LMNB2: variants seen among roughly 807,000 people sequenced by gnomAD.
LMNB2 encodes lamin-B2.
Under a neutral mutation model 69.3 loss-of-function variants are expected in LMNB2, and 17 were observed. That is an observed-to-expected ratio of 0.25 (90% CI 0.17 to 0.37). The LOEUF is 0.37. Ranked by LOEUF, LMNB2 falls within the 10% of genes least tolerant of loss-of-function variation. LMNB2 has a pLI of 1.00. For synonymous variants in LMNB2, 397 were observed against 389.3 expected, an observed-to-expected ratio of 1.02 and a Z score of -0.23; for missense variants, 789 against 883.6, an observed-to-expected ratio of 0.89 and a Z score of 1.36.
intron 4 of LMNB2, among the ~76,000 whole-genome samples, chr19:2,436,520 C>A (rs1971823526): frequency 6.6e-6 from 1 of 150,996 alleles, no homozygotes. Flanking sequence ...TCCACGGCCG[C>A]CCTCCCGCCT....
intron 1 of LMNB2, among the ~76,000 whole-genome samples, chr19:2,456,387 G>C (rs1972089291): frequency 7.1e-6 from 1 of 141,414 alleles, no homozygotes; most frequent in African/African-American, 2.7e-5. Context: ...TGGCCGAACT[G>C]CACCGCTCAC....
Position 2,434,456 on chromosome 19 carries a change from G to T in LMNB2, c.1041C>A (p.Asp347Glu), listed in dbSNP as rs1366067577. The T allele has an allele frequency of 6.2e-7, 1 of 1,613,390 alleles. No individual in the cohort carries two copies. The highest frequency in any genetic ancestry group is 8.5e-7 in the Non-Finnish European group (1 of 1,179,970). Residue 347 changes from aspartate (D) to glutamate (E), a missense_variant, in exon 7 of 12, where the codon GAC (aspartate) becomes GAA (glutamate). Around this residue, in one of 3 missense-constraint regions of LMNB2, gnomAD observed 609 missense variants for 630.9 expected, o/e 0.97. Transcript: ENST00000325327. ...ELEEAMAGER[D>E]KFRKMLDAKE... Reference sequence around the variant, plus strand: ...TGGCGTCCAGCATCTTCCGGAACTTGTCCCGCTCCCCGGCCATGGCCTCCT... The same window carrying T: ...TGGCGTCCAGCATCTTCCGGAACTTTTCCCGCTCCCCGGCCATGGCCTCCT...
At position 2,444,609 on chromosome 19, in the gene LMNB2, C is replaced by T. The variant is rs1415582982; in HGVS notation, c.265-69G>A. ...CTTGGACTACAGCAGTCAGGGGGCC[C>T]GGCCACTGGCCCTGCTCAGATTCCC... On this transcript the variant is annotated intron_variant, in intron 1 of 11. Transcript: ENST00000325327. 81 of 1,576,094 alleles carry T rather than the reference C, an allele frequency of 5.1e-5. 1 individual carries two copies. The highest frequency in any genetic ancestry group is 9.9e-5 in the South Asian group (9 of 90,608).
intron 4 of LMNB2, 130 bp from the exon 5 acceptor site, chr19:2,435,301 C>T (rs1195479536): frequency 8.4e-6 from 11 of 1,310,638 alleles, no homozygotes; most frequent in Middle Eastern, 2.6e-4. Context: ...AGTTACAAAC[C>T]GATACACGTG....
intron 3 of LMNB2, 30 bp from the exon 4 acceptor site, chr19:2,438,318 G>C: frequency 6.2e-7 from 1 of 1,613,792 alleles, no homozygotes; most frequent in African/African-American, 1.3e-5. Context: ...GAGCTGGTGT[G>C]ACAATCTGTC....
chr19:2,444,044 G>A (rs966553005), intron 2 of LMNB2, among the ~76,000 whole-genome samples: 2 of 152,164 alleles, frequency 1.3e-5, no homozygotes, highest in Non-Finnish European at 2.9e-5. Context: ...GGTCAAACGC[G>A]TCTCACGGTG....
intron 1 of LMNB2, among the ~76,000 whole-genome samples, chr19:2,455,786 C>T (rs1972079998): frequency 6.6e-6 from 1 of 151,768 alleles, no homozygotes; most frequent in Admixed American, 6.6e-5. Flanking sequence ...GCAGGGCCTG[C>T]CCAGGTGGCA....
intron 2 of LMNB2, among the ~76,000 whole-genome samples, chr19:2,444,042 G>A (rs1466151302): frequency 3.3e-5 from 5 of 152,152 alleles, no homozygotes; most frequent in Admixed American, 6.5e-5. Context: ...GAGGTCAAAC[G>A]CGTCTCACGG....
intron 2 of LMNB2, among the ~76,000 whole-genome samples, chr19:2,441,209 G>A (rs1971896811): frequency 1.3e-5 from 2 of 152,254 alleles, no homozygotes; most frequent in African/African-American, 4.8e-5. Flanking sequence ...CACCTGCCAG[G>A]TAAAAGCATC....
At position 2,431,952 on chromosome 19, in the gene LMNB2, G is replaced by A. The variant is rs759668098; in HGVS notation, c.1591-50C>T. 1.6e-5 allele frequency: 25 copies of A among 1,572,274 alleles called. 1 individual carries two copies. In the South Asian group the frequency reaches 2.7e-4, roughly 17 times the overall value. On this transcript the variant is annotated intron_variant, in intron 9 of 11. Coordinates refer to ENST00000325327, the MANE Select transcript of LMNB2 (RefSeq NM_032737.4). The stretch of plus-strand genomic sequence containing the variant: ...CATCAGGGTCACCTCTGGTTCCAGG[G>A]ACGTGGGCCAGCCAGTGGCCCCTAC...
chr19:2,434,919 G>T lies in LMNB2; in HGVS notation c.856-6C>A. ...CTCAGCTTGGCGCTGTCCAGCTGTGGGGAGACGGGCGGGTGAGTGCGGGCG... is the reference window on the plus strand; with the variant it reads ...CTCAGCTTGGCGCTGTCCAGCTGTGTGGAGACGGGCGGGTGAGTGCGGGCG... On this transcript the variant is annotated splice_region_variant and splice_polypyrimidine_tract_variant and intron_variant, in intron 5 of 11. Transcript: ENST00000325327. 1 of 1,601,470 alleles carries T rather than the reference G, an allele frequency of 6.2e-7. No homozygotes were observed.
rs767097454 is a variant in LMNB2 at position 2,443,752 on chromosome 19, G to A, written c.401+652C>T. Among the ~76,000 whole-genome samples, 1 of 152,162 alleles carries A rather than the reference G, an allele frequency of 6.6e-6. No homozygotes were observed. The highest frequency in any genetic ancestry group is 1.5e-5 in the Non-Finnish European group (1 of 68,020). ...GTTTCATTGGCCTCCTGGCTCCTCT[G>A]AATAAATATTCCTTTTGTCATCATC... On this transcript the variant is annotated intron_variant, in intron 2 of 11. Transcript: ENST00000325327. The surrounding 1 kb of genome is among the most constrained non-coding windows in gnomAD (Gnocchi z 6.2).
intron 1 of LMNB2, among the ~76,000 whole-genome samples, chr19:2,448,379 A>C (rs1971983017): frequency 6.6e-6 from 1 of 152,178 alleles, no homozygotes; most frequent in Non-Finnish European, 1.5e-5. Context: ...ACTGCGGCTC[A>C]CGAGGCAGAG....
intron 1 of LMNB2, among the ~76,000 whole-genome samples, chr19:2,448,381 G>A (rs1451319778): frequency 6.6e-6 from 1 of 152,166 alleles, no homozygotes; most frequent in African/African-American, 2.4e-5. Context: ...TGCGGCTCAC[G>A]AGGCAGAGGG....
intron 1 of LMNB2, among the ~76,000 whole-genome samples, chr19:2,449,378 T>C (rs1298735767): frequency 2.6e-5 from 4 of 152,308 alleles, no homozygotes; most frequent in South Asian, 4.1e-4. Context: ...AAGGGGCACG[T>C]CTCCTAACGA....
At chr19:2,438,734 T>C (rs910583578) in intron 2 of LMNB2, among the ~76,000 whole-genome samples, 3 of 151,934 alleles carry the variant, frequency 2.0e-5, no homozygotes, top group Non-Finnish European at 2.9e-5. Context: ...CTGTCAGGAG[T>C]CCAGCAAGTG....
chr19:2,434,810 T>C lies in LMNB2; in HGVS notation c.959A>G (p.Gln320Arg). The C allele has an allele frequency of 1.2e-6, 2 of 1,608,530 alleles. No individual in the cohort carries two copies. Among genetic ancestry groups the C allele is most frequent in the Non-Finnish European group, 1.7e-6 (2 of 1,178,760 alleles). The change falls in exon 6 of 12, where the codon CAG (glutamine) becomes CGG (arginine). Residue 320 changes from glutamine to arginine, a missense_variant. Physicochemically the swap from Gln to Arg is conservative, Grantham distance 43 (BLOSUM62 1). This residue lies in a region of LMNB2 where 609 missense variants were observed against 630.9 expected (regional missense o/e 0.97). Coordinates refer to ENST00000325327, the MANE Select transcript of LMNB2 (RefSeq NM_032737.4). ...ARMRLESLSY[Q>R]LSGLQKQASA... is the part of the protein sequence containing the mutation. ...CACCTGCTTCTGGAGGCCGGAGAGC[T>C]GGTAGCTGAGGGACTCCAGGCGCAT...
At position 2,453,849 on chromosome 19, in the gene LMNB2, A is replaced by C. The variant is rs2145475851; in HGVS notation, c.264+2821T>G. Among the ~76,000 whole-genome samples, 1 of 152,248 alleles carries C rather than the reference A, an allele frequency of 6.6e-6. No homozygotes were observed. Among genetic ancestry groups the C allele is most frequent in the South Asian group, 2.1e-4 (1 of 4,824 alleles). On this transcript the variant is annotated intron_variant, in intron 1 of 11. Transcript: ENST00000325327. This position sits in a 1 kb window ranked among gnomAD's most constrained non-coding sequence, Gnocchi z 4.4. ...GTTCGTCCCATTGGCAGGTGGGATA[A>C]CAGAGGCCCAAAGACAAGAAACCAG...
chr19:2,438,226 G>A lies in LMNB2; in HGVS notation c.621C>T (p.Asp207=), dbSNP rs1971850757. The change falls in exon 4 of 12, where the codon GAC becomes GAT. Residue 207 remains aspartate, a synonymous_variant. Transcript: ENST00000325327. ...GCAGGCTCTGGCAGCGGTTCTCCAG[G>A]TCCACACGCATCAGCGTCTCCTTCT... is the stretch of plus-strand genomic sequence containing the variant. ...QLEKETLMRV[D]LENRCQSLQE... 1 of 1,613,960 alleles carries A rather than the reference G, an allele frequency of 6.2e-7. No individual in the cohort carries two copies.
Sources: allele counts gnomAD v4.1 joint callset (sites outside exome capture counted in the v4.1 genomes callset), GRCh38; gene constraint gnomAD v4.1.1; regional missense constraint gnomAD v4.1.1; non-coding constraint Gnocchi (gnomAD v3.1); transcripts MANE v1.5; gene names NCBI Gene and HGNC (gene_info 2026-07-23, HGNC 2026-07-21).